The following CFAP299 variants were observed in gnomAD, a reference collection of about 807,000 sequenced individuals.
CFAP299 encodes cilia- and flagella-associated protein 299.
Under a neutral mutation model 27.0 loss-of-function variants are expected in CFAP299, and 21 were observed. The observed-to-expected ratio is 0.78, with a 90% CI of 0.55 to 1.12. The LOEUF is 1.12. Ranked by LOEUF, CFAP299 falls within the 50% of genes most tolerant of loss-of-function variation. The pLI is 0.00. For missense variants in CFAP299, 310 were observed against 276.6 expected, an observed-to-expected ratio of 1.12 and a Z score of -0.86; for synonymous variants, 104 against 98.1, an observed-to-expected ratio of 1.06 and a Z score of -0.36.
chr4:80,422,374 A>G (rs78196252), intron 2 of CFAP299, among the ~76,000 whole-genome samples: 2 of 125,918 alleles, frequency 1.6e-5, no homozygotes, highest in African/African-American at 8.2e-5. Flanking sequence ...TGCTAAAATT[A>G]AAAAAAAAAA....
intron 3 of CFAP299, among the ~76,000 whole-genome samples, chr4:80,780,411 C>T (rs1052781912): frequency 4.6e-5 from 7 of 152,088 alleles, no homozygotes; most frequent in Admixed American, 1.3e-4. Context: ...CAAAGTACTT[C>T]TTTGTATTCC....
intron 3 of CFAP299, among the ~76,000 whole-genome samples, chr4:80,815,106 A>G (rs888731620): frequency 8.6e-5 from 13 of 152,036 alleles, no homozygotes; most frequent in African/African-American, 3.1e-4. Flanking sequence ...TGGAAGAACA[A>G]ACTAATCCCT....
chr4:80,340,110 C>T (rs961771409), intron 1 of CFAP299, among the ~76,000 whole-genome samples: 1 of 152,162 alleles, frequency 6.6e-6, no homozygotes, highest in Non-Finnish European at 1.5e-5. Context: ...GTGAATTTGG[C>T]ACCTTCAACT....
intron 3 of CFAP299, among the ~76,000 whole-genome samples, chr4:80,642,189 A>C (rs1739761462): frequency 6.6e-6 from 1 of 152,178 alleles, no homozygotes; most frequent in African/African-American, 2.4e-5. Flanking sequence ...AACTGTGTAA[A>C]GCTATGGAAG....
intron 3 of CFAP299, among the ~76,000 whole-genome samples, chr4:80,660,963 G>T (rs1452039518): frequency 6.6e-6 from 1 of 152,088 alleles, no homozygotes; most frequent in East Asian, 1.9e-4. Context: ...GGGAAATGGG[G>T]ATTGTTGCAA....
chr4:80,870,969 C>A, intron 4 of CFAP299: 1 of 797,068 alleles, frequency 1.3e-6, no homozygotes, highest in South Asian at 5.7e-5. Context: ...TGCAATGGTG[C>A]AATCTTGGAT....
rs1733136950 is a variant in CFAP299, at chr4:80,872,248, T to G, written c.476+2113T>G. 3 of 152,176 alleles carry G rather than the reference T, an allele frequency of 2.0e-5. No individual in the cohort carries two copies. In the South Asian group the frequency reaches 6.2e-4, roughly 31 times the overall value. 9.4% of individuals were successfully genotyped at this position (152,176 alleles called of 1,614,324 possible). Reference sequence around the variant, plus strand: ...GATCTCCTGAGCTCGATCAGTAGGTTCAAGTGGTGTCAGTCTAATTACTTC... The same window carrying G: ...GATCTCCTGAGCTCGATCAGTAGGTGCAAGTGGTGTCAGTCTAATTACTTC... On this transcript the variant is annotated intron_variant, in intron 4 of 5. Coordinates refer to ENST00000358105, the MANE Select transcript of CFAP299 (RefSeq NM_152770.3).
intron 2 of CFAP299, among the ~76,000 whole-genome samples, chr4:80,367,916 T>C (rs962380548): frequency 1.3e-5 from 2 of 152,200 alleles, no homozygotes; most frequent in Non-Finnish European, 2.9e-5. Flanking sequence ...TCAATATTCG[T>C]GACACACATT....
At chr4:80,666,496 ATT>A (rs10552191) in intron 3 of CFAP299, among the ~76,000 whole-genome samples, 6,897 of 152,142 alleles carry the variant, frequency 0.045, 541 homozygotes, top group African/African-American at 0.16. Context: ...CCCCACCACT[ATT>A]TGAAAAAGAA....
intron 3 of CFAP299, among the ~76,000 whole-genome samples, chr4:80,596,620 T>C (rs962719859): frequency 6.6e-6 from 1 of 152,106 alleles, no homozygotes; most frequent in African/African-American, 2.4e-5. Flanking sequence ...AGCAAACATA[T>C]AAAAGCATGC....
At chr4:80,413,010 T>C (rs547818061) in intron 2 of CFAP299, among the ~76,000 whole-genome samples, 1 of 152,312 alleles carries the variant, frequency 6.6e-6, no homozygotes, top group East Asian at 1.9e-4. Context: ...AGTAACAGAT[T>C]TCAGTCTTTT....
At chr4:80,338,448 A>G (rs1288316514) in intron 1 of CFAP299, among the ~76,000 whole-genome samples, 1 of 152,214 alleles carries the variant, frequency 6.6e-6, no homozygotes, top group Non-Finnish European at 1.5e-5. Flanking sequence ...TTTAGTTAGA[A>G]GAGGCTAGAG....
At chr4:80,383,754 A>G (rs1209613893) in intron 2 of CFAP299, among the ~76,000 whole-genome samples, 2 of 152,200 alleles carry the variant, frequency 1.3e-5, no homozygotes, top group African/African-American at 2.4e-5. Context: ...TTATTTGTTA[A>G]GCAACTATAT....
chr4:80,726,038 C>T (rs193118640), intron 3 of CFAP299, among the ~76,000 whole-genome samples: 5 of 152,270 alleles, frequency 3.3e-5, no homozygotes, highest in African/African-American at 1.2e-4. Flanking sequence ...TGTTTTTCTG[C>T]TCTATTAATT....
chr4:80,400,775 A>T (rs1726110645), intron 2 of CFAP299, among the ~76,000 whole-genome samples: 1 of 152,222 alleles, frequency 6.6e-6, no homozygotes, highest in Non-Finnish European at 1.5e-5. Flanking sequence ...ACTGGGTAAC[A>T]GGCAGAGGTT....
At chr4:80,877,788 G>A (rs1014170402) in intron 4 of CFAP299, among the ~76,000 whole-genome samples, 8 of 151,830 alleles carry the variant, frequency 5.3e-5, no homozygotes, top group South Asian at 2.1e-4. Context: ...TTTTTTTTAA[G>A]TTTTGGAAAA....
chr4:80,621,336 G>T (rs1296061664), intron 3 of CFAP299, among the ~76,000 whole-genome samples: 1 of 151,966 alleles, frequency 6.6e-6, no homozygotes, highest in Non-Finnish European at 1.5e-5. Context: ...AATTGTTTTT[G>T]GATAAACCAA....
chr4:80,809,095 G>A (rs190688985), intron 3 of CFAP299, among the ~76,000 whole-genome samples: 139 of 152,118 alleles, frequency 9.1e-4, no homozygotes, highest in African/African-American at 3.2e-3. Context: ...CTTGATAAAG[G>A]CAAAAAATAA....
At chr4:80,350,423 C>T (rs1447848603) in intron 1 of CFAP299, among the ~76,000 whole-genome samples, 1 of 152,140 alleles carries the variant, frequency 6.6e-6, no homozygotes, top group Non-Finnish European at 1.5e-5. Flanking sequence ...ACCCAGCAAT[C>T]CCATTACTGG....
Sources: allele counts gnomAD v4.1 joint callset (sites outside exome capture counted in the v4.1 genomes callset), GRCh38; gene constraint gnomAD v4.1.1; transcripts MANE v1.5; gene names NCBI Gene and HGNC (gene_info 2026-07-23, HGNC 2026-07-21).